Variants in FAM13B observed in about 807,000 individuals in gnomAD.
FAM13B encodes protein FAM13B.
FAM13B carries 60 observed loss-of-function variants against 117.3 expected under a neutral mutation model. The observed-to-expected ratio is 0.51, with a 90% CI of 0.42 to 0.63. FAM13B has a LOEUF of 0.63. FAM13B is among the 30% of genes least tolerant of loss of function. The pLI, the probability that FAM13B is intolerant of heterozygous loss-of-function variation, is 0.00. For synonymous variants in FAM13B, 332 were observed against 356.1 expected (o/e 0.93, Z 0.76); for missense variants, 972 against 1,091.9 (o/e 0.89, Z 1.55).
intron 1 of FAM13B, among the ~76,000 whole-genome samples, chr5:138,022,263 GAGA>G (rs1378383402): frequency 3.3e-5 from 5 of 152,218 alleles, no homozygotes; most frequent in Non-Finnish European, 4.4e-5. Context: ...TAGAGAGAGA[GAGA>G]AGAACTTGTT....
intron 1 of FAM13B, among the ~76,000 whole-genome samples, chr5:138,026,983 A>AAATT (rs770342014): frequency 2.3e-5 from 3 of 131,986 alleles, no homozygotes; most frequent in Non-Finnish European, 4.9e-5. Context: ...ATAAATAAAT[A>AAATT]AATTAGCGAA....
At chr5:138,020,896 T>C (rs1786556985) in intron 2 of FAM13B, 135 bp downstream of exon 2, 5 of 474,708 alleles carry the variant, frequency 1.1e-5, no homozygotes, top group Non-Finnish European at 1.7e-5. Context: ...ACAAGCAACA[T>C]CCATTCTTCA....
intron 12 of FAM13B, 29 bp downstream of exon 12, chr5:137,960,136 TA>T (rs1767749831): frequency 2.1e-6 from 3 of 1,425,944 alleles, no homozygotes; most frequent in Non-Finnish European, 2.9e-6. Flanking sequence ...GGCAAGTTTT[TA>T]AAGACTAAGA....
intron 17 of FAM13B, 50 bp downstream of exon 17, chr5:137,952,578 T>C (rs554384665): frequency 1.7e-6 from 2 of 1,198,146 alleles, no homozygotes; most frequent in Admixed American, 2.2e-5. Flanking sequence ...GACATTAATA[T>C]AAAAAAATTT....
intron 1 of FAM13B, among the ~76,000 whole-genome samples, chr5:138,022,780 T>C (rs973047984): frequency 4.6e-5 from 7 of 151,968 alleles, no homozygotes; most frequent in African/African-American, 9.7e-5. Context: ...ATCACTAAAA[T>C]GGCTACTCAG....
At chr5:137,967,960 A>T (rs1303328570) in intron 10 of FAM13B, among the ~76,000 whole-genome samples, 3 of 152,140 alleles carry the variant, frequency 2.0e-5, no homozygotes, top group Non-Finnish European at 2.9e-5. Flanking sequence ...GCGGTGGCTC[A>T]CACCTGTAAT....
chr5:138,005,531 A>G (rs1274187366), intron 7 of FAM13B, among the ~76,000 whole-genome samples: 4 of 152,028 alleles, frequency 2.6e-5, no homozygotes, highest in African/African-American at 9.7e-5. Context: ...TCAAGAAAAA[A>G]GAATGTTAGA....
upstream of FAM13B, among the ~76,000 whole-genome samples, chr5:138,034,869 A>G (rs1335117164): frequency 6.6e-6 from 1 of 152,132 alleles, no homozygotes; most frequent in African/African-American, 2.4e-5. Flanking sequence ...GAAGAGAGTT[A>G]AAAACCTCCT....
At chr5:138,004,369 T>G (rs1350629805) in intron 7 of FAM13B, among the ~76,000 whole-genome samples, 1 of 151,956 alleles carries the variant, frequency 6.6e-6, no homozygotes. Context: ...AGAGAAGCTA[T>G]TAGTAATATG....
chr5:138,044,851 GAAATCC>G (rs1791598922), intron 1 of FAM13B, among the ~76,000 whole-genome samples: 1 of 152,034 alleles, frequency 6.6e-6, no homozygotes, highest in South Asian at 2.1e-4. Flanking sequence ...ATCATAAAAG[GAAATCC>G]AAATGGCCAA....
At position 137,985,367 on chromosome 5, in the gene FAM13B, T is replaced by A; in HGVS notation, c.1069A>T (p.Ile357Phe). The part of the protein sequence containing the change: ...NNQIDIADDI[I>F]NASESNRDCS... The stretch of plus-strand genomic sequence containing the variant: ...TCTCTGTTACTTTCACTGGCATTAA[T>A]AATATCATCAGCAATATCAATCCTA... The change falls in exon 10 of 24, where the codon ATT becomes TTT. Residue 357 changes from isoleucine to phenylalanine, a missense_variant. By Grantham distance (21) the Ile-to-Phe change is conservative. Coordinates refer to ENST00000689681, the MANE Select transcript of FAM13B (RefSeq NM_001385994.1). 6.2e-7 allele frequency: 1 copy of A among 1,613,886 alleles called. No individual in the cohort carries two copies. Among genetic ancestry groups the A allele is most frequent in the African/African-American group, 1.3e-5 (1 of 75,058 alleles).
Position 137,940,083 on chromosome 5 carries a change from T to C in FAM13B, c.*142A>G, listed in dbSNP as rs778038213. ...CTACTTACTCTCCCATCATTTGTTT[T>C]GTTTAGTGGCACCACAACCAAGTAC... On this transcript the variant is annotated 3_prime_UTR_variant, in exon 24 of 24. Transcript: ENST00000689681. 6.2e-7 allele frequency: 1 copy of C among 1,614,180 alleles called. No individual in the cohort carries two copies. The highest frequency in any genetic ancestry group is 1.7e-5 in the Admixed American group (1 of 60,030).
At chr5:138,030,010 T>C (rs577545874) in intron 1 of FAM13B, among the ~76,000 whole-genome samples, 1 of 152,334 alleles carries the variant, frequency 6.6e-6, no homozygotes, top group South Asian at 2.1e-4. Context: ...CCTTCTCTAG[T>C]AGAAATCTAG....
intron 7 of FAM13B, among the ~76,000 whole-genome samples, chr5:137,993,075 T>C (rs989607038): frequency 3.9e-5 from 6 of 152,142 alleles, no homozygotes; most frequent in African/African-American, 1.4e-4. Flanking sequence ...AAAATCACCG[T>C]TCAGTGAAAG....
intron 10 of FAM13B, among the ~76,000 whole-genome samples, chr5:137,978,596 A>G (rs1456998652): frequency 2.6e-5 from 4 of 152,058 alleles, no homozygotes; most frequent in Non-Finnish European, 5.9e-5. Flanking sequence ...TTTGCCTCCC[A>G]CCACCTTTTT....
chr5:137,966,562 G>A (rs1770026723), intron 10 of FAM13B, among the ~76,000 whole-genome samples: 1 of 128,668 alleles, frequency 7.8e-6, no homozygotes, highest in South Asian at 2.6e-4. Context: ...TCAACAATAA[G>A]AAAACAATCC....
chr5:138,008,685 A>T (rs1309258912), intron 6 of FAM13B, among the ~76,000 whole-genome samples: 1 of 152,172 alleles, frequency 6.6e-6, no homozygotes. Flanking sequence ...TTATAACTGA[A>T]ATTGTTGTCA....
At chr5:137,967,890 T>C (rs1393105938) in intron 10 of FAM13B, among the ~76,000 whole-genome samples, 2 of 151,272 alleles carry the variant, frequency 1.3e-5, no homozygotes, top group Non-Finnish European at 2.9e-5. Context: ...CAAGACCCTG[T>C]CTCAAAAAAT....
At chr5:137,952,516 TCAAA>T in intron 17 of FAM13B, 108 bp downstream of exon 17, 1 of 705,824 alleles carries the variant, frequency 1.4e-6, no homozygotes, top group Non-Finnish European at 2.3e-6. Flanking sequence ...TTTATTTTTG[TCAAA>T]CAGTGCCCAA....
Sources: allele counts gnomAD v4.1 joint callset (sites outside exome capture counted in the v4.1 genomes callset), GRCh38; gene constraint gnomAD v4.1.1; transcripts MANE v1.5; gene names NCBI Gene and HGNC (gene_info 2026-07-23, HGNC 2026-07-21).